Variants in CNTNAP2 observed in about 807,000 individuals in gnomAD.
CNTNAP2 encodes the protein contactin-associated protein-like 2.
CNTNAP2 carries 98 observed loss-of-function variants against 155.2 expected under a neutral mutation model. That is an observed-to-expected ratio of 0.63 (90% CI 0.54 to 0.75). CNTNAP2 has a LOEUF of 0.75. CNTNAP2 is among the 30% of genes least tolerant of loss of function. CNTNAP2 has a pLI of 0.00. For missense variants in CNTNAP2, 1,727 were observed against 1,688.1 expected (o/e 1.02, Z -0.40); for synonymous variants, 651 against 631.2 (o/e 1.03, Z -0.47).
At chr7:146,989,336 T>TGATG (rs765845796) in intron 3 of CNTNAP2, among the ~76,000 whole-genome samples, 11 of 151,982 alleles carry the variant, frequency 7.2e-5, no homozygotes, top group Non-Finnish European at 1.0e-4. Context: ...TGTGTTGGGG[T>TGATG]GATGGGACTG....
chr7:147,106,471 C>A (rs992738486), intron 4 of CNTNAP2, among the ~76,000 whole-genome samples: 4 of 152,000 alleles, frequency 2.6e-5, no homozygotes, highest in Admixed American at 6.6e-5. Flanking sequence ...TTAAAATAAA[C>A]CTCTGTGATT....
At chr7:146,663,514 C>A (rs115652608) in intron 1 of CNTNAP2, among the ~76,000 whole-genome samples, 1 of 151,756 alleles carries the variant, frequency 6.6e-6, no homozygotes, top group Admixed American at 6.6e-5. Flanking sequence ...TCCCAAATAT[C>A]GGTCTATTAT....
chr7:148,363,531 G>T (rs1002231534), intron 21 of CNTNAP2, among the ~76,000 whole-genome samples: 3 of 152,200 alleles, frequency 2.0e-5, no homozygotes, highest in Non-Finnish European at 4.4e-5. Context: ...GGGTTTACTG[G>T]GATGTAGCCC....
intron 11 of CNTNAP2, among the ~76,000 whole-genome samples, chr7:147,526,315 G>C (rs922022972): frequency 6.6e-6 from 1 of 151,970 alleles, no homozygotes; most frequent in East Asian, 1.9e-4. Flanking sequence ...AAGTTCATTT[G>C]TTTGGGCTTT....
intron 1 of CNTNAP2, among the ~76,000 whole-genome samples, chr7:146,366,108 G>C (rs1216644220): frequency 6.6e-6 from 1 of 152,094 alleles, no homozygotes; most frequent in Non-Finnish European, 1.5e-5. Context: ...AGATAGATAT[G>C]TATAGATATA....
intron 20 of CNTNAP2, among the ~76,000 whole-genome samples, chr7:148,238,458 T>C (rs913229459): frequency 3.9e-5 from 6 of 152,262 alleles, no homozygotes; most frequent in Non-Finnish European, 8.8e-5. Context: ...TTGCTCTTTG[T>C]TGTCTTTGCA....
At chr7:146,435,978 T>C (rs1255683647) in intron 1 of CNTNAP2, among the ~76,000 whole-genome samples, 1 of 152,200 alleles carries the variant, frequency 6.6e-6, no homozygotes, top group Non-Finnish European at 1.5e-5. Context: ...TAAACTTGTA[T>C]ATTTACCAGT....
intron 16 of CNTNAP2, among the ~76,000 whole-genome samples, chr7:148,142,129 G>GTGTT (rs1207066028): frequency 4.0e-5 from 6 of 151,514 alleles, no homozygotes; most frequent in African/African-American, 1.5e-4. Context: ...GTGTGTGTGT[G>GTGTT]TGTGTTTGTA....
chr7:147,679,493 A>T (rs1180686258), intron 13 of CNTNAP2, among the ~76,000 whole-genome samples: 6 of 151,908 alleles, frequency 3.9e-5, no homozygotes, highest in African/African-American at 7.2e-5. Flanking sequence ...GAGAAAAGAG[A>T]CTGTTTTCTA....
In CNTNAP2 at chr7:146,371,365, G is replaced by GTTTTTTTTTTT. The variant is rs58066282; in HGVS notation, c.97+254403_97+254413dup. On this transcript the variant is annotated intron_variant, in intron 1 of 23. Coordinates refer to ENST00000361727, the MANE Select transcript of CNTNAP2 (RefSeq NM_014141.6). Reference sequence around the variant, plus strand: ...TGCAATATAATATATGCCAGTATTAGTTTTTTTTTTTTTTTTTTTTTGAGA... The same window carrying GTTTTTTTTTTT: ...TGCAATATAATATATGCCAGTATTAGTTTTTTTTTTTTTTTTTTTTTTTTTTTTTTTTGAGA... Among the ~76,000 whole-genome samples, 13 of 98,536 alleles carry GTTTTTTTTTTT rather than the reference G, an allele frequency of 1.3e-4. 2 individuals are homozygous for GTTTTTTTTTTT. Among genetic ancestry groups the GTTTTTTTTTTT allele is most frequent in the Admixed American group, 2.8e-4 (2 of 7,070 alleles). 64.6% of individuals were successfully genotyped at this position (98,536 alleles called of 152,430 possible).
chr7:147,585,688 C>T (rs949916511), intron 12 of CNTNAP2, among the ~76,000 whole-genome samples: 2 of 151,616 alleles, frequency 1.3e-5, no homozygotes, highest in Admixed American at 6.6e-5. Context: ...AAATAATTGA[C>T]CAACTTATTT....
At chr7:148,166,422 C>G (rs1249488812) in intron 17 of CNTNAP2, among the ~76,000 whole-genome samples, 3 of 151,626 alleles carry the variant, frequency 2.0e-5, no homozygotes, top group African/African-American at 4.8e-5. Context: ...AGTGGCCAGT[C>G]TCTTTGGGCA....
At chr7:146,526,880 G>GT (rs1797698814) in intron 1 of CNTNAP2, among the ~76,000 whole-genome samples, 1 of 151,906 alleles carries the variant, frequency 6.6e-6, no homozygotes, top group Non-Finnish European at 1.5e-5. Flanking sequence ...GTCAGTTTAC[G>GT]TTGTGACCAT....
intron 1 of CNTNAP2, among the ~76,000 whole-genome samples, chr7:146,326,856 G>A (rs938350749): frequency 1.3e-5 from 2 of 152,222 alleles, no homozygotes; most frequent in South Asian, 2.1e-4. Context: ...TAAATTGGAT[G>A]TTCAGTTCTT....
chr7:146,652,552 T>C (rs1494455), intron 1 of CNTNAP2, among the ~76,000 whole-genome samples: 72,217 of 151,890 alleles, frequency 0.48, 17,915 homozygotes, highest in South Asian at 0.58. Context: ...TTTAACAATC[T>C]TTTTACTTCT....
intron 14 of CNTNAP2, among the ~76,000 whole-genome samples, chr7:147,967,454 G>GA (rs1386136036): frequency 6.6e-6 from 1 of 152,060 alleles, no homozygotes; most frequent in Non-Finnish European, 1.5e-5. Context: ...TATTACCTCT[G>GA]AAAAATGAGG....
At chr7:147,468,627 C>T (rs1279231788) in intron 10 of CNTNAP2, among the ~76,000 whole-genome samples, 2 of 152,108 alleles carry the variant, frequency 1.3e-5, no homozygotes, top group African/African-American at 4.8e-5. Flanking sequence ...CATATAGTAG[C>T]CTCAAATTGT....
At chr7:147,315,171 A>G (rs1035548511) in intron 9 of CNTNAP2, among the ~76,000 whole-genome samples, 7 of 149,388 alleles carry the variant, frequency 4.7e-5, no homozygotes, top group African/African-American at 1.7e-4. Context: ...TTCAGTAGGT[A>G]TGAGGTTGGG....
intron 12 of CNTNAP2, among the ~76,000 whole-genome samples, chr7:147,608,394 G>GTT (rs34394264): frequency 0.02 from 2,979 of 151,492 alleles, 99 homozygotes; most frequent in African/African-American, 0.068. Flanking sequence ...TTTTCTAAGT[G>GTT]TTTTTTTTAA....
Sources: gnomAD v4.1 joint callset for allele counts (sites outside exome capture counted in the v4.1 genomes callset) on GRCh38, gnomAD v4.1.1 for gene constraint, MANE v1.5 for transcripts, NCBI Gene and HGNC (gene_info 2026-07-23, HGNC 2026-07-21) for gene names.